Variants in ZPBP observed in about 807,000 individuals in gnomAD.
ZPBP encodes zona pellucida binding protein, also known as zona pellucida-binding protein 1.
ZPBP carries 26 observed loss-of-function variants against 44.8 expected under a neutral mutation model. That is an observed-to-expected ratio of 0.58 (90% CI 0.43 to 0.81). ZPBP has a LOEUF of 0.81. Among genes scored for constraint, ZPBP ranks in the 30% least tolerant of loss-of-function variants. ZPBP has a pLI of 0.00. For missense variants in ZPBP, 409 were observed against 434.0 expected (o/e 0.94, Z 0.51); for synonymous variants, 174 against 153.2 (o/e 1.14, Z -1.00).
intron 6 of ZPBP, among the ~76,000 whole-genome samples, chr7:49,991,359 C>G (rs1473835487): frequency 2.6e-5 from 4 of 152,062 alleles, no homozygotes; most frequent in Non-Finnish European, 2.9e-5. Context: ...TCTCATATTA[C>G]TGAATTAGGC....
intron 2 of ZPBP, among the ~76,000 whole-genome samples, chr7:49,852,620 A>AG (rs1418380174): frequency 6.6e-6 from 1 of 151,368 alleles, no homozygotes. Flanking sequence ...GTGAGGAGTG[A>AG]GGGGTGGGTG....
chr7:49,986,131 C>T (rs1055173530), intron 6 of ZPBP, among the ~76,000 whole-genome samples: 3 of 152,172 alleles, frequency 2.0e-5, no homozygotes, highest in African/African-American at 7.2e-5. Flanking sequence ...CATGTGGGGA[C>T]ATGAAGAAAG....
intron 1 of ZPBP, chr7:49,918,979 C>G (rs913850295): frequency 6.6e-6 from 1 of 151,460 alleles, no homozygotes; most frequent in Non-Finnish European, 1.5e-5. Context: ...TCCCTTAAAC[C>G]GAGGGGGTGG....
chr7:50,038,779 T>C (rs192566470), intron 4 of ZPBP, among the ~76,000 whole-genome samples: 49 of 152,346 alleles, frequency 3.2e-4, no homozygotes, highest in Non-Finnish European at 5.4e-4. Context: ...TTTAGATATG[T>C]TTAGATACAC....
At chr7:49,892,996 C>G (rs183343813) in intron 2 of ZPBP, among the ~76,000 whole-genome samples, 1 of 152,186 alleles carries the variant, frequency 6.6e-6, no homozygotes. Context: ...ATTTATTTGA[C>G]AGCGGGGACA....
chr7:50,029,836 TTGTTGTTGC>T (rs1249921425), intron 5 of ZPBP, among the ~76,000 whole-genome samples: 3,647 of 128,802 alleles, frequency 0.028, 121 homozygotes, highest in African/African-American at 0.09. Context: ...TTTGTTGTTG[TTGTTGTTGC>T]TGTTGTTGTT....
At chr7:49,979,217 C>T (rs375758736) in intron 7 of ZPBP, among the ~76,000 whole-genome samples, 5 of 151,946 alleles carry the variant, frequency 3.3e-5, no homozygotes, top group South Asian at 2.1e-4. Context: ...CCGAGAAAGC[C>T]GTATCACAAT....
At chr7:49,850,084 T>C (rs1790116041), downstream of ZPBP, among the ~76,000 whole-genome samples, 1 of 152,078 alleles carries the variant, frequency 6.6e-6, no homozygotes, top group Admixed American at 6.5e-5. Context: ...CCACAACATG[T>C]TGCTGTAGAA....
chr7:50,033,802 C>T (rs1250996688), intron 4 of ZPBP, among the ~76,000 whole-genome samples: 1 of 152,084 alleles, frequency 6.6e-6, no homozygotes. Flanking sequence ...AAGTGATTCT[C>T]CCGCCTCAGC....
intron 2 of ZPBP, among the ~76,000 whole-genome samples, chr7:49,868,811 G>A (rs1212410296): frequency 6.6e-6 from 1 of 152,108 alleles, no homozygotes; most frequent in Non-Finnish European, 1.5e-5. Flanking sequence ...TAGAGACAAG[G>A]TTTCACCATG....
At chr7:49,971,071 G>A (rs1796286719) in intron 7 of ZPBP, among the ~76,000 whole-genome samples, 2 of 151,784 alleles carry the variant, frequency 1.3e-5, no homozygotes, top group African/African-American at 2.4e-5. Context: ...ACCCACAAAA[G>A]AAACAGATAA....
At chr7:50,002,151 G>A (rs1297285898) in intron 6 of ZPBP, among the ~76,000 whole-genome samples, 3 of 152,058 alleles carry the variant, frequency 2.0e-5, no homozygotes, top group Non-Finnish European at 4.4e-5. Context: ...ACATGGCTAG[G>A]GGGGCCTCAC....
intron 3 of ZPBP, among the ~76,000 whole-genome samples, chr7:50,062,365 A>G (rs906579656): frequency 3.9e-5 from 6 of 152,216 alleles, no homozygotes; most frequent in African/African-American, 1.4e-4. Context: ...TGGAACAGCC[A>G]AAGTAATCCT....
intron 2 of ZPBP, among the ~76,000 whole-genome samples, chr7:49,865,215 G>T (rs1049773921): frequency 2.0e-5 from 3 of 152,170 alleles, no homozygotes; most frequent in Non-Finnish European, 4.4e-5. Flanking sequence ...TGTGGTCCGT[G>T]GGGTAGGAGA....
chr7:50,040,638 T>G (rs1291851632), intron 4 of ZPBP, among the ~76,000 whole-genome samples: 1 of 151,932 alleles, frequency 6.6e-6, no homozygotes, highest in African/African-American at 2.4e-5. Context: ...ACACTACCCT[T>G]TTCCGACAGT....
chr7:50,058,214 G>A, intron 3 of ZPBP, 73 bp from the exon 4 acceptor site: 2 of 1,503,400 alleles, frequency 1.3e-6, no homozygotes, highest in African/African-American at 1.4e-5. Flanking sequence ...TCTCAGCAAG[G>A]TAAAACCATC....
At chr7:49,900,210 C>G (rs1294464772) in intron 2 of ZPBP, among the ~76,000 whole-genome samples, 1 of 151,512 alleles carries the variant, frequency 6.6e-6, no homozygotes, top group Non-Finnish European at 1.5e-5. Context: ...GCATTGAATG[C>G]ATAAATTAGA....
intron 1 of ZPBP, among the ~76,000 whole-genome samples, chr7:49,908,428 C>T (rs930959770): frequency 6.6e-6 from 1 of 152,012 alleles, no homozygotes; most frequent in Non-Finnish European, 1.5e-5. Context: ...AATCTAAATA[C>T]AACAGGATAA....
chr7:49,979,742 A>T lies in ZPBP; in HGVS notation c.961+3600T>A, dbSNP rs1306717825. On this transcript the variant is annotated intron_variant, in intron 7 of 7. Transcript: ENST00000046087. ...TTTGAATAATGATATAAATACATGT[A>T]ATAGCTTAACTACTATGTTCCAGTT... 8.7e-4 allele frequency among the ~76,000 whole-genome samples: 127 copies of T among 145,610 alleles called. 1 individual carries two copies. Among genetic ancestry groups the T allele is most frequent in the Non-Finnish European group, 2.4e-4 (16 of 66,964 alleles).
Sources: gnomAD v4.1 joint callset for allele counts (sites outside exome capture counted in the v4.1 genomes callset) on GRCh38, gnomAD v4.1.1 for gene constraint, MANE v1.5 for transcripts, NCBI Gene and HGNC (gene_info 2026-07-23, HGNC 2026-07-21) for gene names.